GPM6A: variants seen among roughly 807,000 people sequenced by gnomAD.
GPM6A encodes glycoprotein M6A.
Under a neutral mutation model 32.1 loss-of-function variants are expected in GPM6A, and 7 were observed. The ratio of observed to expected loss-of-function variants is 0.22; its 90% CI spans 0.12 to 0.41. The LOEUF (loss-of-function observed/expected upper bound fraction) is 0.41. Ranked by LOEUF, GPM6A falls within the 10% of genes least tolerant of loss-of-function variation. The pLI, the probability that GPM6A is intolerant of heterozygous loss-of-function variation, is 1.00. For missense variants in GPM6A, 235 were observed against 347.2 expected (o/e 0.68, Z 2.57); for synonymous variants, 130 against 123.4 (o/e 1.05, Z -0.35).
At chr4:175,675,776 A>G (rs2110990729) in intron 2 of GPM6A, among the ~76,000 whole-genome samples, 1 of 152,194 alleles carries the variant, frequency 6.6e-6, no homozygotes, top group East Asian at 1.9e-4. Flanking sequence ...CAGCCTCCCA[A>G]GTAGTAGAGA....
At chr4:175,711,449 TATATATATACAC>T (rs1560890027) in intron 1 of GPM6A, among the ~76,000 whole-genome samples, 1 of 49,208 alleles carries the variant, frequency 2.0e-5, no homozygotes, top group Non-Finnish European at 5.3e-5. Flanking sequence ...TATATATATA[TATATATATACAC>T]ACACATACAT....
rs567077238 is a variant in GPM6A at position 175,866,308 on chromosome 4, T to G, written c.-22-54059A>C. ...AATCATCCAAAGTCCATAGTTTGCC[T>G]TAGGGTTTGCTCTTGGTGTGGCACA... On this transcript the variant is annotated intron_variant, in intron 1 of 7. Transcript: ENST00000280187. Among the ~76,000 whole-genome samples the G allele has an allele frequency of 6.6e-5, 10 of 152,276 alleles. No homozygotes were observed. The South Asian group carries it at 1.7e-3, about 25-fold the overall frequency.
At chr4:175,881,235 A>T (rs1291656838) in intron 1 of GPM6A, among the ~76,000 whole-genome samples, 1 of 152,246 alleles carries the variant, frequency 6.6e-6, no homozygotes, top group African/African-American at 2.4e-5. Context: ...CAACAGACAC[A>T]TGAAAAAATG....
rs557225171 is a variant in GPM6A, at chr4:176,000,582, C to A, written c.-23+1727G>T. Reference sequence around the variant, plus strand: ...GGTTACAAGGGTAAATTATGTAATTCTTTCTAGACATTTTATTATGTTGGA... The same window carrying A: ...GGTTACAAGGGTAAATTATGTAATTATTTCTAGACATTTTATTATGTTGGA... On this transcript the variant is annotated intron_variant, in intron 1 of 7. Coordinates refer to the GPM6A transcript ENST00000280187. Among the ~76,000 whole-genome samples, 4 of 152,240 alleles carry A rather than the reference C, an allele frequency of 2.6e-5. No individual in the cohort carries two copies. In the South Asian group the frequency reaches 8.3e-4, roughly 32 times the overall value.
chr4:175,813,602 A>G (rs1735011445), upstream of GPM6A, among the ~76,000 whole-genome samples: 6 of 152,102 alleles, frequency 3.9e-5, no homozygotes, highest in Admixed American at 3.9e-4. Context: ...AAGGACACAC[A>G]CACAGACATA....
intron 1 of GPM6A, among the ~76,000 whole-genome samples, chr4:175,855,468 T>A (rs979357262): frequency 6.6e-6 from 1 of 152,210 alleles, no homozygotes; most frequent in African/African-American, 2.4e-5. Flanking sequence ...GAAAAAAACT[T>A]AAGAGGTTGA....
At chr4:175,921,782 G>T (rs1738676069) in intron 1 of GPM6A, among the ~76,000 whole-genome samples, 1 of 152,084 alleles carries the variant, frequency 6.6e-6, no homozygotes, top group Non-Finnish European at 1.5e-5. Context: ...TTTTTGGAGT[G>T]GAATTTTACA....
intron 1 of GPM6A, among the ~76,000 whole-genome samples, chr4:175,926,141 C>T (rs371881153): frequency 2.3e-4 from 35 of 152,092 alleles, no homozygotes; most frequent in African/African-American, 7.5e-4. Context: ...CGTGAGCCAC[C>T]GTGCCTGGCC....
chr4:175,711,409 A>AATATATATATAT (rs36105210), intron 1 of GPM6A, among the ~76,000 whole-genome samples: 36 of 53,254 alleles, frequency 6.8e-4, no homozygotes, highest in African/African-American at 2.3e-3. Flanking sequence ...TGGCACACCA[A>AATATATATATAT]ATATATATAT....
At chr4:175,832,565 C>T (rs1735648633) in intron 1 of GPM6A, among the ~76,000 whole-genome samples, 1 of 152,092 alleles carries the variant, frequency 6.6e-6, no homozygotes, top group Non-Finnish European at 1.5e-5. Flanking sequence ...TAGAATCTGG[C>T]AGAAGGAATT....
chr4:175,984,880 A>T (rs1180526033), intron 1 of GPM6A, among the ~76,000 whole-genome samples: 1 of 152,140 alleles, frequency 6.6e-6, no homozygotes, highest in Non-Finnish European at 1.5e-5. Flanking sequence ...GCCTACATTG[A>T]TTAGTAATTC....
At chr4:175,963,840 T>A (rs981806433) in intron 1 of GPM6A, among the ~76,000 whole-genome samples, 1 of 152,088 alleles carries the variant, frequency 6.6e-6, no homozygotes, top group Non-Finnish European at 1.5e-5. Context: ...CTGACACCAA[T>A]GTTATAAGAG....
intron 1 of GPM6A, among the ~76,000 whole-genome samples, chr4:175,993,246 C>T (rs551023062): frequency 1.6e-4 from 24 of 151,662 alleles, no homozygotes; most frequent in African/African-American, 5.6e-4. Flanking sequence ...ATCTTCACTC[C>T]TTTATTAAAA....
At chr4:175,636,266 A>G (rs1417152494) in intron 6 of GPM6A, among the ~76,000 whole-genome samples, 175 of 41,496 alleles carry the variant, frequency 4.2e-3, no homozygotes, top group Middle Eastern at 0.019. Flanking sequence ...CACTGTATAT[A>G]TATATATATA....
At chr4:175,960,587 AT>A (rs1740133517) in intron 1 of GPM6A, among the ~76,000 whole-genome samples, 1 of 152,138 alleles carries the variant, frequency 6.6e-6, no homozygotes, top group African/African-American at 2.4e-5. Flanking sequence ...TGTCTCCGCC[AT>A]CCCCCAACCC....
At chr4:175,862,922 T>C (rs1266941693) in intron 1 of GPM6A, among the ~76,000 whole-genome samples, 2 of 152,196 alleles carry the variant, frequency 1.3e-5, no homozygotes, top group Non-Finnish European at 2.9e-5. Flanking sequence ...GGACCAATTA[T>C]ACCCGCACCA....
chr4:175,848,479 C>T (rs1168842758), intron 1 of GPM6A, among the ~76,000 whole-genome samples: 5 of 152,060 alleles, frequency 3.3e-5, no homozygotes, highest in East Asian at 3.9e-4. Context: ...AATACATTAC[C>T]GAAAATTCTG....
chr4:175,932,843 G>C (rs1739095910), intron 1 of GPM6A, among the ~76,000 whole-genome samples: 1 of 151,878 alleles, frequency 6.6e-6, no homozygotes, highest in African/African-American at 2.4e-5. Context: ...TGGTTGATAA[G>C]AAAATAAGAG....
intron 1 of GPM6A, chr4:175,961,179 T>C (rs911707106): frequency 1.1e-4 from 16 of 152,326 alleles, no homozygotes; most frequent in South Asian, 4.1e-4. Context: ...AATCCCTTTA[T>C]TGGAAACTTA....
Sources: gnomAD v4.1 joint callset for allele counts (sites outside exome capture counted in the v4.1 genomes callset) on GRCh38, gnomAD v4.1.1 for gene constraint, MANE v1.5 for transcripts, NCBI Gene and HGNC (gene_info 2026-07-23, HGNC 2026-07-21) for gene names.